Variants in DOCK3 observed in about 807,000 individuals in gnomAD.
DOCK3 encodes the protein dedicator of cytokinesis protein 3.
DOCK3 carries 60 observed loss-of-function variants against 265.6 expected under a neutral mutation model. The observed-to-expected ratio is 0.23, with a 90% CI of 0.18 to 0.28. The LOEUF is 0.28. Ranked by LOEUF, DOCK3 falls within the 10% of genes least tolerant of loss-of-function variation. DOCK3 has a pLI of 1.00. For synonymous variants in DOCK3, 881 were observed against 938.0 expected (o/e 0.94, Z 1.11); for missense variants, 1,981 against 2,594.3 (o/e 0.76, Z 5.14).
chr3:50,679,490 A>G (rs2034234438), intron 1 of DOCK3, among the ~76,000 whole-genome samples: 1 of 151,898 alleles, frequency 6.6e-6, no homozygotes, highest in South Asian at 2.1e-4. Context: ...ATAGGGAAGA[A>G]AAGCACTTAA....
At chr3:50,957,532 C>T (rs988152614) in intron 5 of DOCK3, among the ~76,000 whole-genome samples, 8 of 152,140 alleles carry the variant, frequency 5.3e-5, no homozygotes, top group Non-Finnish European at 7.4e-5. Context: ...ATGTTACTAC[C>T]GCTAGACACA....
At chr3:50,755,779 A>G (rs944148107) in intron 1 of DOCK3, among the ~76,000 whole-genome samples, 6 of 152,180 alleles carry the variant, frequency 3.9e-5, no homozygotes, top group African/African-American at 1.2e-4. Context: ...TCTTTTGTGT[A>G]TGGCTTCTTT....
intron 5 of DOCK3, among the ~76,000 whole-genome samples, chr3:50,943,255 G>T (rs2076341806): frequency 6.6e-6 from 1 of 152,020 alleles, no homozygotes. Context: ...TTTTAGGGCA[G>T]TGAAAGTACT....
At chr3:51,319,131 C>A (rs2083531028) in intron 32 of DOCK3, among the ~76,000 whole-genome samples, 1 of 152,220 alleles carries the variant, frequency 6.6e-6, no homozygotes, top group African/African-American at 2.4e-5. Context: ...AGAAAGTATT[C>A]ACCAGTGTTT....
chr3:50,992,809 C>T (rs1008303150), intron 5 of DOCK3, among the ~76,000 whole-genome samples: 8 of 152,190 alleles, frequency 5.3e-5, no homozygotes, highest in African/African-American at 1.2e-4. Flanking sequence ...ATTCCACATA[C>T]ATCCTTTTAA....
rs2079307563 is a variant in DOCK3 at position 51,016,727 on chromosome 3, ATGATACATATTATATATATCAATAT to A, written c.316-47720_316-47696del. ...TATATTATATATCAATATAATATAT[ATGATACATATTATATATATCAATAT>A]AATATATATGATATATGTTTATATA... On this transcript the variant is annotated intron_variant, in intron 5 of 52. Coordinates refer to ENST00000266037, the MANE Select transcript of DOCK3 (RefSeq NM_004947.5). Among the ~76,000 whole-genome samples the A allele has an allele frequency of 3.2e-3, 35 of 10,846 alleles. 10 individuals carry two copies. Among genetic ancestry groups the A allele is most frequent in the African/African-American group, 9.7e-3 (28 of 2,900 alleles). 7.1% of individuals were successfully genotyped at this position (10,846 alleles called of 152,430 possible).
At chr3:51,298,070 C>T (rs886708947) in intron 27 of DOCK3, among the ~76,000 whole-genome samples, 1 of 152,106 alleles carries the variant, frequency 6.6e-6, no homozygotes, top group Non-Finnish European at 1.5e-5. Flanking sequence ...ATTAGTGAAA[C>T]CATCTTGTCC....
At chr3:51,158,863 C>T (rs528346421) in intron 10 of DOCK3, among the ~76,000 whole-genome samples, 1 of 152,192 alleles carries the variant, frequency 6.6e-6, no homozygotes, top group East Asian at 1.9e-4. Flanking sequence ...TATTGATGAG[C>T]TTTTTGGTGT....
chr3:51,171,162 G>A (rs1212908570), intron 12 of DOCK3, among the ~76,000 whole-genome samples: 1 of 151,836 alleles, frequency 6.6e-6, no homozygotes, highest in East Asian at 1.9e-4. Context: ...TTTTCTGCAG[G>A]TAGGCATTTA....
chr3:51,158,825 G>A (rs2085987983), intron 10 of DOCK3, among the ~76,000 whole-genome samples: 1 of 152,200 alleles, frequency 6.6e-6, no homozygotes, highest in South Asian at 2.1e-4. Context: ...TGTAAAATTA[G>A]TGGAGAACAA....
At chr3:51,127,772 G>A (rs2084332551) in intron 9 of DOCK3, among the ~76,000 whole-genome samples, 1 of 152,198 alleles carries the variant, frequency 6.6e-6, no homozygotes, top group African/African-American at 2.4e-5. Context: ...ACCTCAGCAG[G>A]TCATGGTTTT....
intron 1 of DOCK3, among the ~76,000 whole-genome samples, chr3:50,754,370 C>T (rs1422357521): frequency 2.0e-5 from 3 of 151,948 alleles, no homozygotes; most frequent in African/African-American, 4.8e-5. Flanking sequence ...GGGATTTATA[C>T]GCCAAACCCA....
intron 5 of DOCK3, among the ~76,000 whole-genome samples, chr3:51,022,776 T>C (rs1162070562): frequency 6.6e-6 from 1 of 152,054 alleles, no homozygotes; most frequent in African/African-American, 2.4e-5. Context: ...TCCAGGAGAG[T>C]ATTTTCTAGT....
chr3:51,263,101 C>G (rs1266854111), intron 23 of DOCK3, among the ~76,000 whole-genome samples: 2 of 151,958 alleles, frequency 1.3e-5, no homozygotes, highest in Non-Finnish European at 1.5e-5. Flanking sequence ...GAAGAGCAGC[C>G]CCAAGACACA....
At chr3:50,698,421 A>G (rs563806299) in intron 1 of DOCK3, among the ~76,000 whole-genome samples, 13 of 150,026 alleles carry the variant, frequency 8.7e-5, no homozygotes, top group African/African-American at 2.9e-4. Flanking sequence ...ACCAGAATGG[A>G]TAGTTGGATT....
intron 5 of DOCK3, among the ~76,000 whole-genome samples, chr3:51,056,164 G>C (rs924820199): frequency 1.3e-5 from 2 of 152,116 alleles, no homozygotes; most frequent in Non-Finnish European, 2.9e-5. Flanking sequence ...TCTATCTTTT[G>C]TACTCAGTTG....
intron 12 of DOCK3, among the ~76,000 whole-genome samples, chr3:51,204,891 T>C (rs1312024965): frequency 6.6e-6 from 1 of 151,942 alleles, no homozygotes; most frequent in African/African-American, 2.4e-5. Flanking sequence ...TTGGAAATCA[T>C]CATTCTCAGT....
At chr3:50,825,321 T>C (rs569503748) in intron 2 of DOCK3, among the ~76,000 whole-genome samples, 1 of 152,224 alleles carries the variant, frequency 6.6e-6, no homozygotes, top group Non-Finnish European at 1.5e-5. Context: ...TTAGTAGAGC[T>C]GAGACAGCCG....
chr3:51,252,067 G>C (rs906420767), intron 22 of DOCK3, among the ~76,000 whole-genome samples: 10 of 152,166 alleles, frequency 6.6e-5, no homozygotes, highest in South Asian at 4.1e-4. Flanking sequence ...TCCAGTTTCA[G>C]CTTTCTACAT....
Sources: gnomAD v4.1 joint callset for allele counts (sites outside exome capture counted in the v4.1 genomes callset) on GRCh38, gnomAD v4.1.1 for gene constraint, MANE v1.5 for transcripts, NCBI Gene and HGNC (gene_info 2026-07-23, HGNC 2026-07-21) for gene names.